TDP1: variants seen among roughly 807,000 people sequenced by gnomAD.
The protein encoded by TDP1 is tyrosyl-DNA phosphodiesterase 1, also known as tyr-DNA phosphodiesterase 1.
TDP1 carries 64 observed loss-of-function variants against 81.5 expected under a neutral mutation model. That is an observed-to-expected ratio of 0.79 (90% CI 0.64 to 0.97). The LOEUF (loss-of-function observed/expected upper bound fraction) is 0.97, where lower values mean the gene tolerates loss of function less well. TDP1 is among the 50% of genes least tolerant of loss of function. TDP1 has a pLI of 0.00. For synonymous variants in TDP1, 256 were observed against 264.3 expected, an observed-to-expected ratio of 0.97 and a Z score of 0.30; for missense variants, 723 against 743.8, an observed-to-expected ratio of 0.97 and a Z score of 0.33.
chr14:90,032,799 T>C, intron 15 of TDP1: 1 of 985,022 alleles, frequency 1.0e-6, no homozygotes, highest in African/African-American at 1.7e-5. Context: ...CTGTACATAA[T>C]GTTGGGTTGA....
chr14:89,989,844 G>A (rs2401863), intron 12 of TDP1, 79 bp downstream of exon 12: 7 of 1,114,332 alleles, frequency 6.3e-6, no homozygotes, highest in South Asian at 6.3e-5. Context: ...CTACTATTGC[G>A]TAGAAATTTG....
At chr14:90,028,708 C>T (rs1886924847) in intron 15 of TDP1, among the ~76,000 whole-genome samples, 1 of 152,018 alleles carries the variant, frequency 6.6e-6, no homozygotes. Flanking sequence ...TTTGTAATAA[C>T]CTAGAATTTG....
At chr14:89,967,505 C>A in intron 5 of TDP1, 83 bp downstream of exon 5, 1 of 1,206,268 alleles carries the variant, frequency 8.3e-7, no homozygotes, top group Non-Finnish European at 1.2e-6. Flanking sequence ...AGGTGAAAGC[C>A]ACTCATCTTT....
At chr14:89,974,582 G>T (rs1435906708) in intron 6 of TDP1, among the ~76,000 whole-genome samples, 1 of 152,190 alleles carries the variant, frequency 6.6e-6, no homozygotes, top group Non-Finnish European at 1.5e-5. Flanking sequence ...TAAGGAGGCT[G>T]GGGTAGGTAG....
Position 89,962,861 on chromosome 14 carries a change from G to A in TDP1, c.-7-247G>A, listed in dbSNP as rs145186614. 364 of 950,054 alleles carry A rather than the reference G, an allele frequency of 3.8e-4. 3 individuals are homozygous for A. The East Asian group carries it at 0.033, about 87-fold the overall frequency. The allele number at this position is 950,054 out of a possible 1,614,324, so 58.9% of individuals were successfully genotyped here. ...CACCACTCCAGCTGGGTGACAGAGC[G>A]AGACCCTGTTTCAAAAAAAAAAAGG... On this transcript the variant is annotated intron_variant, in intron 2 of 16. Coordinates refer to ENST00000335725, the MANE Select transcript of TDP1 (RefSeq NM_018319.4).
intron 14 of TDP1, 189 bp from the exon 15 acceptor site, chr14:90,019,127 T>C: frequency 1.0e-6 from 1 of 974,220 alleles, no homozygotes; most frequent in Non-Finnish European, 1.2e-6. Flanking sequence ...AGCAATTAGA[T>C]AAATCTCGAG....
chr14:90,006,626 T>G (rs1185913713), intron 14 of TDP1, among the ~76,000 whole-genome samples: 2 of 152,150 alleles, frequency 1.3e-5, no homozygotes, highest in East Asian at 3.9e-4. Context: ...AACCTCCACC[T>G]CCTGGGTTCA....
At chr14:90,022,918 G>T in intron 15 of TDP1, 2 of 755,266 alleles carry the variant, frequency 2.6e-6, no homozygotes, top group Non-Finnish European at 4.5e-6. Context: ...CAGCCCGACG[G>T]TTCCCTCCTC....
In TDP1 at chr14:89,985,137, A is replaced by T. The variant is rs1463546264; in HGVS notation, c.1058A>T (p.Tyr353Phe). 1 of 1,609,390 alleles carries T rather than the reference A, an allele frequency of 6.2e-7. No homozygotes were observed. Among genetic ancestry groups the T allele is most frequent in the Admixed American group, 1.7e-5 (1 of 59,876 alleles). The change falls in exon 10 of 17, where the codon TAT becomes TTT. Residue 353 changes from tyrosine to phenylalanine, a missense_variant. Transcript: ENST00000335725. ...HKHDLSETNV[Y>F]LIGSTPGRFQ... ...GTGTTTTTATGTCTTTTTAGTGTTT[A>T]TCTTATTGGTTCAACCCCAGGACGC...
chr14:90,034,862 A>C (rs1006501446), intron 16 of TDP1, among the ~76,000 whole-genome samples: 3 of 152,182 alleles, frequency 2.0e-5, no homozygotes, highest in Non-Finnish European at 4.4e-5. Context: ...TGTTCCCTCA[A>C]CAATGTTTCA....
intron 14 of TDP1, among the ~76,000 whole-genome samples, chr14:90,006,315 T>A (rs141837616): frequency 1.1e-3 from 165 of 152,300 alleles, no homozygotes; most frequent in African/African-American, 3.8e-3. Flanking sequence ...TAAGACCTGA[T>A]AGCCACCCTG....
At chr14:90,011,545 A>T (rs1470226211) in intron 14 of TDP1, among the ~76,000 whole-genome samples, 3 of 152,250 alleles carry the variant, frequency 2.0e-5, no homozygotes, top group Non-Finnish European at 4.4e-5. Context: ...AGTCTAGGCT[A>T]ACATGTTCCC....
intron 12 of TDP1, among the ~76,000 whole-genome samples, chr14:89,990,232 TG>T (rs1354981839): frequency 1.3e-5 from 2 of 152,236 alleles, no homozygotes; most frequent in Non-Finnish European, 1.5e-5. Context: ...ATGTCTATTC[TG>T]TCAAGGGTGT....
chr14:90,012,782 G>C (rs1243606824), intron 14 of TDP1, among the ~76,000 whole-genome samples: 1 of 152,070 alleles, frequency 6.6e-6, no homozygotes, highest in Non-Finnish European at 1.5e-5. Flanking sequence ...AGCTTGCATG[G>C]TGGGCCTGGA....
At position 90,016,532 on chromosome 14, in the gene TDP1, A is replaced by G. The variant is rs866979055; in HGVS notation, c.1542-2784A>G. On this transcript the variant is annotated intron_variant, in intron 14 of 16. Coordinates refer to ENST00000335725, the MANE Select transcript of TDP1 (RefSeq NM_018319.4). ...CCAGTGCCAGAGGCACAAAAACCAC[A>G]TGGGTTTCCATCCTCACAGTCTTCA... Among the ~76,000 whole-genome samples the G allele has an allele frequency of 5.9e-5, 9 of 152,232 alleles. No individual in the cohort carries two copies. In the South Asian group the frequency reaches 1.9e-3, roughly 32 times the overall value.
intron 9 of TDP1, 78 bp from the exon 10 acceptor site, chr14:89,985,053 TC>T (rs2140097961): frequency 1.5e-6 from 2 of 1,340,184 alleles, no homozygotes; most frequent in Non-Finnish European, 2.1e-6. Context: ...ATATTAGTTT[TC>T]ATGTGTATTT....
At chr14:89,984,128 A>G (rs1335710568) in intron 8 of TDP1, 6 of 985,360 alleles carry the variant, frequency 6.1e-6, no homozygotes, top group East Asian at 1.1e-4. Flanking sequence ...CACTAGTAGC[A>G]TGGATTTGCT....
intron 2 of TDP1, among the ~76,000 whole-genome samples, chr14:89,957,837 C>G (rs78217828): frequency 4.6e-5 from 7 of 152,226 alleles, no homozygotes; most frequent in Admixed American, 3.9e-4. Context: ...ACACATGACA[C>G]AGGATTTATT....
At chr14:89,985,946 G>A (rs1307896596) in intron 10 of TDP1, among the ~76,000 whole-genome samples, 1 of 152,208 alleles carries the variant, frequency 6.6e-6, no homozygotes, top group Non-Finnish European at 1.5e-5. Context: ...AGAATCGCTT[G>A]AACCCGGGAG....
Sources: allele counts gnomAD v4.1 joint callset (sites outside exome capture counted in the v4.1 genomes callset), GRCh38; gene constraint gnomAD v4.1.1; transcripts MANE v1.5; gene names NCBI Gene and HGNC (gene_info 2026-07-23, HGNC 2026-07-21).